Variants in LRRIQ3 observed in about 807,000 individuals in gnomAD.
LRRIQ3 encodes leucine rich repeats and IQ motif containing 3, also known as leucine-rich repeat and IQ domain-containing protein 3.
Under a neutral mutation model 59.3 loss-of-function variants are expected in LRRIQ3, and 75 were observed. The ratio of observed to expected loss-of-function variants is 1.26; its 90% CI spans 1.05 to 1.53. The LOEUF (loss-of-function observed/expected upper bound fraction) is 1.53, where lower values mean the gene tolerates loss of function less well. Among genes scored for constraint, LRRIQ3 ranks in the 40% most tolerant of loss-of-function variants. The pLI, the probability that LRRIQ3 is intolerant of heterozygous loss-of-function variation, is 0.00. For synonymous variants in LRRIQ3, 250 were observed against 231.3 expected, an observed-to-expected ratio of 1.08 and a Z score of -0.73; for missense variants, 831 against 710.0, an observed-to-expected ratio of 1.17 and a Z score of -1.94.
intron 6 of LRRIQ3, among the ~76,000 whole-genome samples, chr1:74,060,990 G>C (rs1654706803): frequency 6.6e-6 from 1 of 152,172 alleles, no homozygotes; most frequent in Admixed American, 6.6e-5. Context: ...GGCAGCGGGA[G>C]ATGTCACAAC....
chr1:74,041,533 A>G lies in LRRIQ3; in HGVS notation c.1398T>C (p.Tyr466=), dbSNP rs1557589323. The part of the protein sequence containing the change: ...AVNEHLNQKK[Y]ATQKLIEENK... The stretch of plus-strand genomic sequence containing the variant: ...TTTCTTCAATTAGTTTTTGTGTAGC[A>G]TATTTTTTCTGATTCAAATGTTCAT... Residue 466 remains tyrosine (Y), a synonymous_variant, in exon 7 of 8, where the codon TAT becomes TAC. Transcript: ENST00000354431. The G allele has an allele frequency of 1.7e-5, 27 of 1,612,072 alleles. No individual in the cohort carries two copies. The highest frequency in any genetic ancestry group is 2.3e-5 in the Non-Finnish European group (27 of 1,179,512).
intron 7 of LRRIQ3, among the ~76,000 whole-genome samples, chr1:74,038,727 A>G (rs1653949019): frequency 6.6e-6 from 1 of 152,204 alleles, no homozygotes; most frequent in Admixed American, 6.5e-5. Flanking sequence ...CCTACAGAAG[A>G]GGGACTTGAC....
chr1:74,180,426 A>G, intron 3 of LRRIQ3: 1 of 289,656 alleles, frequency 3.5e-6, no homozygotes, highest in Non-Finnish European at 6.4e-6. Context: ...CTATTTCTGA[A>G]TTTTTGTTTT....
At chr1:74,172,288 A>T (rs1341843605) in intron 3 of LRRIQ3, among the ~76,000 whole-genome samples, 1 of 152,070 alleles carries the variant, frequency 6.6e-6, no homozygotes, top group East Asian at 1.9e-4. Context: ...TTGTGTTTTC[A>T]CAAATTTTAG....
intron 3 of LRRIQ3, among the ~76,000 whole-genome samples, chr1:74,174,738 T>C (rs559288675): frequency 2.8e-4 from 43 of 152,184 alleles, no homozygotes; most frequent in African/African-American, 1.0e-3. Context: ...TGTTGGTTAA[T>C]AGTTTCTATT....
chr1:74,050,012 C>T (rs989222997), intron 6 of LRRIQ3, among the ~76,000 whole-genome samples: 14 of 151,588 alleles, frequency 9.2e-5, no homozygotes, highest in South Asian at 8.3e-4. Flanking sequence ...CAACCTCCGC[C>T]TCCCGGATTC....
chr1:74,140,649 T>G lies in LRRIQ3; in HGVS notation c.707+15084A>C, dbSNP rs1294869264. Among the ~76,000 whole-genome samples the G allele has an allele frequency of 2.0e-5, 3 of 151,826 alleles. No homozygotes were observed. In the Admixed American group the frequency reaches 2.0e-4, roughly 10 times the overall value. ...GCACACGTGAAAAGCGTGGGCCATA[T>G]GCAAATCTCAATGAAATTCAAAGTC... On this transcript the variant is annotated intron_variant, in intron 4 of 7. Transcript: ENST00000354431.
At chr1:74,111,071 G>A (rs973962056) in intron 4 of LRRIQ3, among the ~76,000 whole-genome samples, 57 of 151,934 alleles carry the variant, frequency 3.8e-4, no homozygotes, top group African/African-American at 1.4e-3. Flanking sequence ...ATTGTAGTCT[G>A]ATGAATATAC....
chr1:74,087,265 T>A (rs1646336031), intron 5 of LRRIQ3, among the ~76,000 whole-genome samples: 1 of 151,966 alleles, frequency 6.6e-6, no homozygotes, highest in South Asian at 2.1e-4. Context: ...GATAATTTCC[T>A]TTCCATTAAC....
intron 4 of LRRIQ3, among the ~76,000 whole-genome samples, chr1:74,112,477 A>G (rs938248344): frequency 3.9e-5 from 6 of 152,184 alleles, no homozygotes; most frequent in Non-Finnish European, 8.8e-5. Context: ...AACAGCAAAA[A>G]CTGGCCTCAA....
chr1:74,070,919 C>A (rs1020286504), intron 6 of LRRIQ3, among the ~76,000 whole-genome samples: 1 of 151,138 alleles, frequency 6.6e-6, no homozygotes, highest in Non-Finnish European at 1.5e-5. Flanking sequence ...GAGAAAGACA[C>A]CTTACCTATT....
At chr1:74,036,766 T>C (rs1327584560) in intron 7 of LRRIQ3, among the ~76,000 whole-genome samples, 1 of 152,146 alleles carries the variant, frequency 6.6e-6, no homozygotes. Flanking sequence ...GAATTACTAC[T>C]TGAATTATTT....
intron 1 of LRRIQ3, among the ~76,000 whole-genome samples, chr1:74,194,220 A>C (rs1482907043): frequency 6.6e-6 from 1 of 152,148 alleles, no homozygotes. Flanking sequence ...AAAAATAAAA[A>C]TCCTGTCTCT....
At chr1:74,150,795 T>C (rs2100656603) in intron 4 of LRRIQ3, among the ~76,000 whole-genome samples, 1 of 152,188 alleles carries the variant, frequency 6.6e-6, no homozygotes, top group African/African-American at 2.4e-5. Context: ...TATTCAACAA[T>C]TTGAGGTCAA....
At chr1:74,195,263 C>T (rs1014119569) in intron 1 of LRRIQ3, among the ~76,000 whole-genome samples, 1 of 152,182 alleles carries the variant, frequency 6.6e-6, no homozygotes, top group Non-Finnish European at 1.5e-5. Context: ...TAAACAGAGC[C>T]ATGAAGCACA....
intron 7 of LRRIQ3, among the ~76,000 whole-genome samples, chr1:74,028,178 GC>G (rs371904565): frequency 6.6e-6 from 1 of 151,994 alleles, no homozygotes; most frequent in Non-Finnish European, 1.5e-5. Context: ...GAACAAGGCA[GC>G]AGGCAAGGCT....
intron 4 of LRRIQ3, among the ~76,000 whole-genome samples, chr1:74,151,525 G>A (rs1357273623): frequency 7.1e-6 from 1 of 141,194 alleles, no homozygotes; most frequent in Non-Finnish European, 1.5e-5. Flanking sequence ...TATTCAGGAG[G>A]AAACAGACAA....
intron 6 of LRRIQ3, among the ~76,000 whole-genome samples, chr1:74,051,453 C>T (rs559787971): frequency 1.3e-5 from 2 of 152,146 alleles, no homozygotes; most frequent in South Asian, 2.1e-4. Flanking sequence ...TTCCTACATA[C>T]GATTTTAAAA....
At chr1:74,144,446 T>C (rs1215786291) in intron 4 of LRRIQ3, 1 of 341,732 alleles carries the variant, frequency 2.9e-6, no homozygotes, top group Non-Finnish European at 5.9e-6. Flanking sequence ...TAGATTAATA[T>C]TTTTCTATCA....
Sources: gnomAD v4.1 joint callset for allele counts (sites outside exome capture counted in the v4.1 genomes callset) on GRCh38, gnomAD v4.1.1 for gene constraint, MANE v1.5 for transcripts, NCBI Gene and HGNC (gene_info 2026-07-23, HGNC 2026-07-21) for gene names.